The following GLIPR1L2 variants were observed in gnomAD, a reference collection of about 807,000 sequenced individuals.
The protein encoded by GLIPR1L2 is GLIPR1-like protein 2.
GLIPR1L2 carries 21 observed loss-of-function variants against 28.4 expected under a neutral mutation model. The observed-to-expected ratio is 0.74, with a 90% CI of 0.52 to 1.06. The LOEUF (loss-of-function observed/expected upper bound fraction) is 1.06. Ranked by LOEUF, GLIPR1L2 falls within the 50% of genes least tolerant of loss-of-function variation. The pLI, the probability that GLIPR1L2 is intolerant of heterozygous loss-of-function variation, is 0.00. For missense variants in GLIPR1L2, 476 were observed against 416.9 expected (o/e 1.14, Z -1.23); for synonymous variants, 145 against 139.3 (o/e 1.04, Z -0.29).
In GLIPR1L2 at chr12:75,391,258, G is replaced by A. The variant is rs1364707539; in HGVS notation, c.142G>A (p.Glu48Lys). The change falls in exon 1 of 6, where the codon GAG becomes AAG. Residue 48 changes from glutamate to lysine, a missense_variant. By Grantham distance (56) the Glu-to-Lys change is moderately conservative. Coordinates refer to ENST00000550916, the MANE Select transcript of GLIPR1L2 (RefSeq NM_001270396.2). ...SSLNARFLPD[E>K]EDVDFINEYV... The stretch of plus-strand genomic sequence containing the variant: ...TTTGAACGCCAGATTTTTGCCAGAC[G>A]AGGAGGACGTAGACTTTATCAACGA... The A allele has an allele frequency of 1.9e-6, 3 of 1,614,220 alleles. No homozygotes were observed. Among genetic ancestry groups the A allele is most frequent in the African/African-American group, 1.3e-5 (1 of 75,062 alleles).
chr12:75,395,714 T>C (rs2045675085), intron 1 of GLIPR1L2, among the ~76,000 whole-genome samples: 1 of 151,942 alleles, frequency 6.6e-6, no homozygotes, highest in East Asian at 1.9e-4. Context: ...TCTTCGTTAC[T>C]ACCTTTTGGT....
chr12:75,416,247 G>T (rs960095269), intron 3 of GLIPR1L2, among the ~76,000 whole-genome samples: 3 of 152,066 alleles, frequency 2.0e-5, no homozygotes, highest in African/African-American at 7.2e-5. Context: ...TTCTATTTGG[G>T]TATATTAGAT....
At chr12:75,399,284 A>G (rs1464079419) in intron 1 of GLIPR1L2, among the ~76,000 whole-genome samples, 3 of 152,214 alleles carry the variant, frequency 2.0e-5, no homozygotes, top group African/African-American at 7.2e-5. Context: ...AGTGTTTAGC[A>G]TATGATAAAA....
Position 75,423,117 on chromosome 12 carries a change from A to G in GLIPR1L2, c.670+128A>G, listed in dbSNP as rs187106640. 9.6e-6 allele frequency: 15 copies of G among 1,563,612 alleles called. No homozygotes were observed. The East Asian group carries it at 1.8e-4, about 19-fold the overall frequency. On this transcript the variant is annotated intron_variant, in intron 4 of 5. Transcript: ENST00000550916. The stretch of plus-strand genomic sequence containing the variant: ...TTGATCAGAATGCTACTATTATGTT[A>G]TCAAAGGATGGTTGACACAGTATCA...
chr12:75,423,131 G>A (rs2045996258), intron 4 of GLIPR1L2, 142 bp downstream of exon 4: 1 of 1,540,328 alleles, frequency 6.5e-7, no homozygotes, highest in South Asian at 1.3e-5. Flanking sequence ...AAGGATGGTT[G>A]ACACAGTATC....
chr12:75,407,791 A>G (rs982015592), intron 1 of GLIPR1L2, among the ~76,000 whole-genome samples: 2 of 152,190 alleles, frequency 1.3e-5, no homozygotes, highest in Admixed American at 1.3e-4. Flanking sequence ...AATGGATTTC[A>G]GCACTTCTTG....
chr12:75,410,493 G>A lies in GLIPR1L2; in HGVS notation c.294G>A (p.Thr98=), dbSNP rs35066273. 56,900 of 1,610,000 alleles carry A rather than the reference G, an allele frequency of 0.035. 1,130 individuals carry two copies. Among genetic ancestry groups the A allele is most frequent in the East Asian group, 0.061 (2,713 of 44,730 alleles). ...CATGGGGAAAAAAATGTTTGTTTAC[G>A]CATAATATTTATTTACAAGATGTAC... is the stretch of plus-strand genomic sequence containing the variant. ...ARAWGKKCLF[T]HNIYLQDVQM... is the part of the protein sequence containing the mutation. The change falls in exon 2 of 6, where the codon ACG becomes ACA. Residue 98 remains threonine, a synonymous_variant. Transcript: ENST00000550916.
intron 1 of GLIPR1L2, among the ~76,000 whole-genome samples, chr12:75,406,081 C>G (rs1043648082): frequency 1.3e-5 from 2 of 149,342 alleles, no homozygotes; most frequent in African/African-American, 4.9e-5. Context: ...TTTATATCAA[C>G]TTTATTATTT....
intron 4 of GLIPR1L2, chr12:75,423,249 T>G (rs2045997523): frequency 7.8e-7 from 1 of 1,288,566 alleles, no homozygotes; most frequent in African/African-American, 1.5e-5. Context: ...GAACTAACAG[T>G]TATACCCTTA....
At chr12:75,402,541 T>C (rs1439034719) in intron 1 of GLIPR1L2, among the ~76,000 whole-genome samples, 3 of 152,228 alleles carry the variant, frequency 2.0e-5, no homozygotes, top group Admixed American at 6.5e-5. Flanking sequence ...TAATAATGTT[T>C]TCCTTTACTC....
At chr12:75,404,150 A>T (rs2045771879) in intron 1 of GLIPR1L2, among the ~76,000 whole-genome samples, 1 of 152,178 alleles carries the variant, frequency 6.6e-6, no homozygotes. Flanking sequence ...ATTGTGTTTC[A>T]CTTGACTTGT....
chr12:75,398,347 A>AAAAAC (rs2045704426), intron 1 of GLIPR1L2, among the ~76,000 whole-genome samples: 1 of 151,414 alleles, frequency 6.6e-6, no homozygotes, highest in African/African-American at 2.4e-5. Context: ...AAAAAAAAAA[A>AAAAAC]AAAACTTTTA....
At chr12:75,413,755 A>T (rs1383843788) in intron 3 of GLIPR1L2, 54 bp downstream of exon 3, 1 of 831,364 alleles carries the variant, frequency 1.2e-6, no homozygotes, top group African/African-American at 1.8e-5. Flanking sequence ...TTTCAAGGTG[A>T]GTTTTTCTAA....
chr12:75,417,150 G>A (rs1190860713), intron 3 of GLIPR1L2, among the ~76,000 whole-genome samples: 9 of 152,014 alleles, frequency 5.9e-5, no homozygotes, highest in Non-Finnish European at 2.9e-5. Context: ...GTTAATATAA[G>A]GATCTTGAGA....
chr12:75,422,388 C>G (rs569981621), intron 3 of GLIPR1L2, among the ~76,000 whole-genome samples: 1 of 150,928 alleles, frequency 6.6e-6, no homozygotes, highest in South Asian at 2.1e-4. Context: ...CTGCAAGCTC[C>G]GCCTCCTGGG....
chr12:75,397,492 GAA>G (rs939441770), intron 1 of GLIPR1L2, among the ~76,000 whole-genome samples: 4 of 152,092 alleles, frequency 2.6e-5, no homozygotes, highest in African/African-American at 4.8e-5. Context: ...GTGTGTGTGT[GAA>G]AGAGTCCCAT....
chr12:75,428,528 AT>A (rs151064090), intron 4 of GLIPR1L2, among the ~76,000 whole-genome samples: 16 of 89,258 alleles, frequency 1.8e-4, no homozygotes, highest in East Asian at 1.1e-3. Context: ...ATATATATAT[AT>A]TTTTTTTTCT....
At chr12:75,396,814 G>A (rs888496674) in intron 1 of GLIPR1L2, among the ~76,000 whole-genome samples, 1 of 152,160 alleles carries the variant, frequency 6.6e-6, no homozygotes, top group Non-Finnish European at 1.5e-5. Flanking sequence ...GCTAAAGTTT[G>A]AGATCCACTA....
chr12:75,430,644 G>A, intron 4 of GLIPR1L2, 71 bp from the exon 5 acceptor site: 1 of 1,363,250 alleles, frequency 7.3e-7, no homozygotes, highest in Non-Finnish European at 1.0e-6. Context: ...ACTATTATTG[G>A]GAGATTATCT....
Sources: gnomAD v4.1 joint callset for allele counts (sites outside exome capture counted in the v4.1 genomes callset) on GRCh38, gnomAD v4.1.1 for gene constraint, MANE v1.5 for transcripts, NCBI Gene and HGNC (gene_info 2026-07-23, HGNC 2026-07-21) for gene names.